PPP1CC: variants seen among roughly 807,000 people sequenced by gnomAD.
PPP1CC encodes serine/threonine-protein phosphatase PP1-gamma catalytic subunit.
PPP1CC carries 16 observed loss-of-function variants against 38.4 expected under a neutral mutation model. The observed-to-expected ratio is 0.42, with a 90% CI of 0.28 to 0.63. The LOEUF (loss-of-function observed/expected upper bound fraction) is 0.63, where lower values mean the gene tolerates loss of function less well. Ranked by LOEUF, PPP1CC falls within the 30% of genes least tolerant of loss-of-function variation. The pLI is 0.25. For missense variants in PPP1CC, 170 were observed against 391.3 expected, an observed-to-expected ratio of 0.43 and a Z score of 4.77; for synonymous variants, 158 against 136.0, an observed-to-expected ratio of 1.16 and a Z score of -1.13.
In PPP1CC at chr12:110,721,131, G is replaced by A; in HGVS notation, c.917C>T (p.Ala306Val). 6.2e-7 allele frequency: 1 copy of A among 1,613,828 alleles called. No individual in the cohort carries two copies. The highest frequency in any genetic ancestry group is 8.5e-7 in the Non-Finnish European group (1 of 1,179,792). The change falls in exon 7 of 7, where the codon GCC (alanine) becomes GTC (valine). Residue 306 changes from alanine to valine, a missense_variant. By Grantham distance (64) the Ala-to-Val change is moderately conservative. Around this residue, in one of 3 missense-constraint regions of PPP1CC, gnomAD observed 23 missense variants for 24.0 expected, o/e 0.96. Transcript: ENST00000335007. ...CCTTGGAGGCGTTACAGGTCTCGTG[G>A]CATTTGGCTTCTTTTTCTCTGCAGG... ...LKPAEKKKPN[A>V]TRPVTPPRGM...
intron 6 of PPP1CC, 181 bp downstream of exon 6, chr12:110,721,954 T>C: frequency 4.9e-6 from 3 of 618,458 alleles, no homozygotes; most frequent in Non-Finnish European, 7.6e-6. Flanking sequence ...GGTGCCATAA[T>C]TAATTTTTTC....
chr12:110,717,590 G>A (rs538411100), downstream of PPP1CC, among the ~76,000 whole-genome samples: 2 of 152,092 alleles, frequency 1.3e-5, no homozygotes, highest in Admixed American at 6.6e-5. Context: ...TAGAGACAGG[G>A]TTTCACCGTG....
At position 110,720,383 on chromosome 12, in the gene PPP1CC, G is replaced by T. The variant is rs1052459733; in HGVS notation, c.*693C>A. Reference sequence around the variant, plus strand: ...CAACCATACCACCTTGTACTTAGGGGTGTGTCAAAACATAATTCAACAGAA... The same window carrying T: ...CAACCATACCACCTTGTACTTAGGGTTGTGTCAAAACATAATTCAACAGAA... On this transcript the variant is annotated 3_prime_UTR_variant, in exon 7 of 7. Transcript: ENST00000335007. 6 of 511,712 alleles carry T rather than the reference G, an allele frequency of 1.2e-5. No individual in the cohort carries two copies. Among genetic ancestry groups the T allele is most frequent in the African/African-American group, 7.9e-5 (4 of 50,952 alleles). The allele number at this position is 511,712 out of a possible 1,614,324, so 31.7% of individuals were successfully genotyped here. A position where few individuals can be genotyped will look rare whatever the true frequency, so the allele number is the denominator to read the frequency against.
chr12:110,708,403 A>AT, the PPP1CC span, among the ~76,000 whole-genome samples: 145 of 152,342 alleles, frequency 9.5e-4, 1 homozygote, highest in Middle Eastern at 3.4e-3. Flanking sequence ...TCCAATGTTT[A>AT]TTCATCAAAA....
Position 110,730,529 on chromosome 12 carries a change from A to C in PPP1CC, c.418T>G (p.Cys140Gly). The C allele has an allele frequency of 6.3e-7, 1 of 1,595,086 alleles. No homozygotes were observed. The highest frequency in any genetic ancestry group is 8.6e-7 in the Non-Finnish European group (1 of 1,168,404). Reference protein sequence around the residue: ...INRIYGFYDECKRRYNIKLWK... With the variant: ...INRIYGFYDEGKRRYNIKLWK... ...TCCTTAGATATAGAAAAGTACTTAC[A>C]TTCATCATAAAATCCATAAATTCTG... Residue 140 changes from cysteine (C) to glycine (G), a missense_variant and splice_region_variant, in exon 3 of 7, where the codon TGT becomes GGT. Around this residue, in one of 3 missense-constraint regions of PPP1CC, gnomAD observed 117 missense variants for 344.4 expected, o/e 0.34. Coordinates refer to ENST00000335007, the MANE Select transcript of PPP1CC (RefSeq NM_002710.4).
intron 1 of PPP1CC, among the ~76,000 whole-genome samples, chr12:110,736,240 T>C (rs1031256930): frequency 1.3e-5 from 2 of 152,208 alleles, no homozygotes; most frequent in Non-Finnish European, 2.9e-5. Flanking sequence ...AAGCGAAGGT[T>C]GCTCTGTAGA....
intron 1 of PPP1CC, among the ~76,000 whole-genome samples, chr12:110,735,282 A>T (rs2069930186): frequency 6.6e-6 from 1 of 151,996 alleles, no homozygotes; most frequent in Non-Finnish European, 1.5e-5. Context: ...ACATTTACTG[A>T]GCACTTATCC....
intron 1 of PPP1CC, among the ~76,000 whole-genome samples, chr12:110,742,059 G>A (rs1398356925): frequency 6.6e-6 from 1 of 152,054 alleles, no homozygotes; most frequent in East Asian, 1.9e-4. Flanking sequence ...CAACTTAAAA[G>A]GATTTGGAGG....
chr12:110,742,850 CT>C lies in PPP1CC; in HGVS notation c.-144del. ...GGCGGGTCCCCCCCCTGCCACCCCG[CT>C]CCCTACTTCCTCCTTCTCTCCCCAC... is the stretch of plus-strand genomic sequence containing the variant. On this transcript the variant is annotated 5_prime_UTR_variant, in exon 1 of 7. Coordinates refer to ENST00000335007, the MANE Select transcript of PPP1CC (RefSeq NM_002710.4). 4.0e-6 allele frequency: 2 copies of C among 503,216 alleles called. No homozygotes were observed. The allele number at this position is 503,216 out of a possible 1,614,324, so 31.2% of individuals were successfully genotyped here. A position where few individuals can be genotyped will look rare whatever the true frequency, so the allele number is the denominator to read the frequency against.
chr12:110,714,084 G>A, the PPP1CC span, among the ~76,000 whole-genome samples: 1 of 152,104 alleles, frequency 6.6e-6, no homozygotes, highest in Non-Finnish European at 1.5e-5. Context: ...GGGTGCCAGA[G>A]CAAGACTACA....
intron 2 of PPP1CC, among the ~76,000 whole-genome samples, chr12:110,731,248 GATA>G (rs1286860642): frequency 7.5e-6 from 1 of 133,492 alleles, no homozygotes; most frequent in Non-Finnish European, 1.5e-5. Flanking sequence ...CTCCCTGCTA[GATA>G]ATGCCAAAGA....
chr12:110,728,151 G>A (rs1017993806), intron 3 of PPP1CC, among the ~76,000 whole-genome samples: 7 of 152,184 alleles, frequency 4.6e-5, no homozygotes, highest in Non-Finnish European at 8.8e-5. Context: ...TGTAATCCCA[G>A]CACTTTGGGA....
rs79599420 is a variant in PPP1CC, at chr12:110,738,731, C to G, written c.55+3922G>C. Among the ~76,000 whole-genome samples, 104 of 152,338 alleles carry G rather than the reference C, an allele frequency of 6.8e-4. No individual in the cohort carries two copies. In the East Asian group the frequency reaches 0.019, roughly 29 times the overall value. On this transcript the variant is annotated intron_variant, in intron 1 of 6. Transcript: ENST00000335007. ...CATCCCCCGCAAGCACAACGTCACA[C>G]ACAATTCTGTCAGATTTCACTGCTG... is the stretch of plus-strand genomic sequence containing the variant.
At chr12:110,730,224 T>G (rs1399051110) in intron 3 of PPP1CC, among the ~76,000 whole-genome samples, 3 of 152,218 alleles carry the variant, frequency 2.0e-5, no homozygotes, top group African/African-American at 7.2e-5. Context: ...CCAAGCGTGG[T>G]GATGCATGTC....
downstream of PPP1CC, among the ~76,000 whole-genome samples, chr12:110,714,714 G>A (rs377362550): frequency 4.2e-5 from 6 of 144,126 alleles, no homozygotes; most frequent in East Asian, 1.0e-3. Context: ...GCTGAGGCAG[G>A]AGAATCACTT....
At chr12:110,742,603 T>C (rs774114234) in intron 1 of PPP1CC, 50 bp downstream of exon 1, 1 of 1,387,462 alleles carries the variant, frequency 7.2e-7, no homozygotes, top group Non-Finnish European at 9.5e-7. Flanking sequence ...CGGGGCCGCC[T>C]GCCGCCCTCA....
chr12:110,713,938 A>G, the PPP1CC span, among the ~76,000 whole-genome samples: 1 of 152,060 alleles, frequency 6.6e-6, no homozygotes, highest in Non-Finnish European at 1.5e-5. Context: ...GTCTCTACTA[A>G]AAGTACAAAA....
chr12:110,729,092 A>G (rs2069842521), intron 3 of PPP1CC, among the ~76,000 whole-genome samples: 1 of 151,724 alleles, frequency 6.6e-6, no homozygotes, highest in South Asian at 2.1e-4. Context: ...CAAACCTGAA[A>G]CCCGTCCTGG....
chr12:110,722,323 A>C lies in PPP1CC; in HGVS notation c.748-54T>G. The C allele has an allele frequency of 5.0e-6, 8 of 1,595,330 alleles. No individual in the cohort carries two copies. The highest frequency in any genetic ancestry group is 6.9e-6 in the Non-Finnish European group (8 of 1,166,736). On this transcript the variant is annotated intron_variant, in intron 5 of 6. Transcript: ENST00000335007. This position sits in a 1 kb window ranked among gnomAD's most constrained non-coding sequence, Gnocchi z 5.4. The stretch of plus-strand genomic sequence containing the variant: ...TAGGTGCAAATATTAGGTGAGTAAA[A>C]CCATGTTTCAGTTTCCCATTGAGCC...
Sources: gnomAD v4.1 joint callset for allele counts (sites outside exome capture counted in the v4.1 genomes callset) on GRCh38, gnomAD v4.1.1 for gene constraint, gnomAD v4.1.1 regional missense constraint, Gnocchi (gnomAD v3.1) non-coding constraint, MANE v1.5 for transcripts, NCBI Gene and HGNC (gene_info 2026-07-23, HGNC 2026-07-21) for gene names.